The following MACROD1 variants were observed in gnomAD, a reference collection of about 807,000 sequenced individuals.
The protein encoded by MACROD1 is ADP-ribose glycohydrolase MACROD1.
In MACROD1, 31 loss-of-function variants were observed where a neutral mutation model predicts 41.4. The observed-to-expected ratio is 0.75, with a 90% CI of 0.56 to 1.01. MACROD1 has a LOEUF of 1.01. Among genes scored for constraint, MACROD1 ranks in the 50% least tolerant of loss-of-function variants. MACROD1 has a pLI of 0.00. For missense variants in MACROD1, 473 were observed against 460.0 expected (o/e 1.03, Z -0.26); for synonymous variants, 252 against 203.4 (o/e 1.24, Z -2.03).
At chr11:64,159,665 A>C (rs944775517) in intron 1 of MACROD1, among the ~76,000 whole-genome samples, 2 of 151,954 alleles carry the variant, frequency 1.3e-5, no homozygotes, top group African/African-American at 4.8e-5. Context: ...ATGGGGGCGC[A>C]TGCCTGTAAT....
chr11:64,117,026 C>G, intron 3 of MACROD1: 1 of 1,611,670 alleles, frequency 6.2e-7, no homozygotes, highest in Non-Finnish European at 8.5e-7. Flanking sequence ...TCACAGAGCT[C>G]TCGCTGGTGC....
intron 3 of MACROD1, among the ~76,000 whole-genome samples, chr11:64,015,979 A>C (rs1943076314): frequency 6.6e-6 from 1 of 152,086 alleles, no homozygotes; most frequent in African/African-American, 2.4e-5. Flanking sequence ...GAATAGCCCC[A>C]CCTCACCAGC....
intron 1 of MACROD1, among the ~76,000 whole-genome samples, chr11:64,161,763 GTC>G (rs1456626086): frequency 2.0e-5 from 3 of 152,082 alleles, no homozygotes; most frequent in African/African-American, 7.2e-5. Context: ...GTGAAACCCA[GTC>G]TCTACAATAA....
intron 3 of MACROD1, chr11:64,060,537 G>A (rs1364321960): frequency 6.6e-6 from 1 of 152,230 alleles, no homozygotes; most frequent in Admixed American, 6.5e-5. Context: ...GCTGTGAGGG[G>A]TACCCAGAGC....
intron 7 of MACROD1, 52 bp from the exon 8 acceptor site, chr11:63,999,456 CCT>C: frequency 1.9e-6 from 3 of 1,561,040 alleles, no homozygotes; most frequent in Non-Finnish European, 2.6e-6. Context: ...CGCCCACTCC[CCT>C]GTCCGCCCCG....
chr11:64,009,871 G>A (rs1942972882), intron 4 of MACROD1, among the ~76,000 whole-genome samples: 2 of 152,256 alleles, frequency 1.3e-5, no homozygotes, highest in South Asian at 4.1e-4. Flanking sequence ...AGCCCTGCAG[G>A]CCAGTCCCAG....
intron 3 of MACROD1, among the ~76,000 whole-genome samples, chr11:64,107,813 C>T (rs1944790018): frequency 6.6e-6 from 1 of 152,130 alleles, no homozygotes; most frequent in Non-Finnish European, 1.5e-5. Context: ...TCTGGTGGGC[C>T]TGCAGTCCCT....
At chr11:64,023,795 A>C (rs1943190241) in intron 3 of MACROD1, among the ~76,000 whole-genome samples, 1 of 151,046 alleles carries the variant, frequency 6.6e-6, no homozygotes, top group Admixed American at 6.6e-5. Flanking sequence ...CGTCCACTCC[A>C]CTCTATAGCC....
rs985859282 is a variant in MACROD1, at chr11:64,021,655, G to T, written c.518-6374C>A. ...CTGGAGGGGCCCCAGCCAGGAGTTG[G>T]GGGGGTGGGGGCTGCTCCCCTAAGT... On this transcript the variant is annotated intron_variant, in intron 3 of 10. Transcript: ENST00000255681. 2.0e-5 allele frequency among the ~76,000 whole-genome samples: 3 copies of T among 151,974 alleles called. 1 individual carries two copies. The highest frequency in any genetic ancestry group is 3.9e-4 in the East Asian group (2 of 5,128).
chr11:64,131,861 T>A (rs1945271088), intron 3 of MACROD1, among the ~76,000 whole-genome samples: 1 of 152,022 alleles, frequency 6.6e-6, no homozygotes, highest in South Asian at 2.1e-4. Flanking sequence ...GAAAATCTCC[T>A]ACAGGCAAAC....
At chr11:64,001,525 C>T (rs1334716105) in intron 4 of MACROD1, 8 of 702,294 alleles carry the variant, frequency 1.1e-5, no homozygotes, top group Admixed American at 4.0e-5. Flanking sequence ...TGCCAGGTAG[C>T]TCACACCCCT....
rs1943137767 is a variant in MACROD1, at chr11:64,020,420, A to T, written c.518-5139T>A. ...CCCTCCCAGTAGGGAACCCTGGGGG[A>T]CTTGGGAGCCTTAGTGAGAAATGAG... On this transcript the variant is annotated intron_variant, in intron 3 of 10. Coordinates refer to ENST00000255681, the MANE Select transcript of MACROD1 (RefSeq NM_014067.4). Among the ~76,000 whole-genome samples the T allele has an allele frequency of 2.0e-5, 3 of 152,012 alleles. No individual in the cohort carries two copies. The South Asian group carries it at 6.2e-4, about 32-fold the overall frequency.
chr11:64,033,562 C>T (rs961394758), intron 3 of MACROD1, among the ~76,000 whole-genome samples: 6 of 151,682 alleles, frequency 4.0e-5, no homozygotes, highest in African/African-American at 1.2e-4. Flanking sequence ...TATTTTTTGC[C>T]GGGTGTGGTG....
At chr11:64,008,980 C>T (rs752500447) in intron 4 of MACROD1, 2 of 152,160 alleles carry the variant, frequency 1.3e-5, no homozygotes, top group Non-Finnish European at 2.9e-5. Flanking sequence ...AAAGCTTGGC[C>T]GTGGCAGGCG....
chr11:64,004,339 T>A (rs1942874691), intron 4 of MACROD1, among the ~76,000 whole-genome samples: 1 of 152,214 alleles, frequency 6.6e-6, no homozygotes, highest in Admixed American at 6.5e-5. Context: ...GGTGGGGCCA[T>A]CCGCCAAGGC....
chr11:64,007,184 C>G (rs945375750), intron 4 of MACROD1, among the ~76,000 whole-genome samples: 1 of 152,214 alleles, frequency 6.6e-6, no homozygotes, highest in Admixed American at 6.5e-5. Context: ...TCAAAAAATG[C>G]GTACGAGGGC....
At chr11:64,035,258 G>A (rs1341337971) in intron 3 of MACROD1, among the ~76,000 whole-genome samples, 1 of 152,030 alleles carries the variant, frequency 6.6e-6, no homozygotes, top group Non-Finnish European at 1.5e-5. Flanking sequence ...GCTGGGGAGC[G>A]CCCGGGTGTT....
At chr11:64,111,491 A>G (rs1349352415) in intron 3 of MACROD1, among the ~76,000 whole-genome samples, 1 of 152,162 alleles carries the variant, frequency 6.6e-6, no homozygotes, top group Non-Finnish European at 1.5e-5. Flanking sequence ...CATAACCTTC[A>G]CGAGCCTGGC....
intron 3 of MACROD1, chr11:64,118,323 C>A: frequency 6.6e-7 from 1 of 1,526,172 alleles, no homozygotes. Context: ...CCCGCCTCAG[C>A]CCCAGCTGCC....
Sources: allele counts gnomAD v4.1 joint callset (sites outside exome capture counted in the v4.1 genomes callset), GRCh38; gene constraint gnomAD v4.1.1; transcripts MANE v1.5; gene names NCBI Gene and HGNC (gene_info 2026-07-23, HGNC 2026-07-21).